Variants in CYREN observed in about 807,000 individuals in gnomAD.
CYREN encodes the protein cell cycle regulator of NHEJ.
In CYREN, 7 loss-of-function variants were observed where a neutral mutation model predicts 9.7. The ratio of observed to expected loss-of-function variants is 0.72; its 90% CI spans 0.41 to 1.36. The LOEUF (loss-of-function observed/expected upper bound fraction) is 1.36, where lower values mean the gene tolerates loss of function less well. Ranked by LOEUF, CYREN falls within the 40% of genes most tolerant of loss-of-function variation. The pLI, the probability that CYREN is intolerant of heterozygous loss-of-function variation, is 0.01. For synonymous variants in CYREN, 76 were observed against 77.9 expected (o/e 0.98, Z 0.13); for missense variants, 215 against 198.1 (o/e 1.09, Z -0.51).
rs770513283 is a variant in CYREN, at chr7:135,144,020, G to A, written n.356+24729C>T. ...AGGGCTATGGTATCTCCCCTAGGAG[G>A]AGAAGGCTGCCAGCGTTTCTCATCT... On this transcript the variant is annotated intron_variant and non_coding_transcript_variant, in intron 2 of 2. Coordinates refer to the CYREN transcript ENST00000459937. 1.2e-3 allele frequency among the ~76,000 whole-genome samples: 182 copies of A among 152,224 alleles called. 1 individual carries two copies. The highest frequency in any genetic ancestry group is 1.4e-3 in the Non-Finnish European group (92 of 67,998).
chr7:135,108,967 G>A (rs1314367797), intron 2 of CYREN, among the ~76,000 whole-genome samples: 1 of 152,072 alleles, frequency 6.6e-6, no homozygotes, highest in South Asian at 2.1e-4. Flanking sequence ...CCTCAGCTTG[G>A]TCTATTCTGC....
chr7:135,141,074 A>G (rs2117395956), intron 2 of CYREN, among the ~76,000 whole-genome samples: 1 of 152,028 alleles, frequency 6.6e-6, no homozygotes. Context: ...GACCTTATAG[A>G]CTGAGTTAGA....
intron 1 of CYREN, among the ~76,000 whole-genome samples, chr7:135,170,005 C>A (rs541912668): frequency 2.1e-4 from 32 of 152,376 alleles, no homozygotes; most frequent in African/African-American, 7.5e-4. Flanking sequence ...CTCCTACCCC[C>A]TAAGGCGCCT....
At chr7:135,162,222 G>T (rs914232036), downstream of CYREN, among the ~76,000 whole-genome samples, 3 of 152,180 alleles carry the variant, frequency 2.0e-5, no homozygotes, top group Non-Finnish European at 4.4e-5. Context: ...CCCCAGAGGG[G>T]TCCCCTCAGA....
At chr7:135,145,473 G>A (rs1829528023) in intron 2 of CYREN, among the ~76,000 whole-genome samples, 1 of 152,186 alleles carries the variant, frequency 6.6e-6, no homozygotes, top group African/African-American at 2.4e-5. Flanking sequence ...CAGGACAACA[G>A]CTGTGTGTGG....
chr7:135,161,486 G>A (rs185820643), downstream of CYREN, among the ~76,000 whole-genome samples: 150 of 152,210 alleles, frequency 9.9e-4, 1 homozygote, highest in Admixed American at 7.8e-4. The surrounding 1 kb of genome is among the most constrained non-coding windows in gnomAD (Gnocchi z 4.1). Context: ...GTATAAATCA[G>A]GGAAGTCCTG....
chr7:135,129,752 C>A, intron 2 of CYREN: 2 of 682,146 alleles, frequency 2.9e-6, no homozygotes, highest in South Asian at 1.6e-5. Flanking sequence ...GTCAAGTACA[C>A]AAAGTAACCC....
At chr7:135,165,290 G>A (rs1372783963), downstream of CYREN, 2 of 323,514 alleles carry the variant, frequency 6.2e-6, no homozygotes, top group Admixed American at 4.5e-5. Flanking sequence ...ATGGATCTGA[G>A]CAAATCTTCC....
intron 1 of CYREN, chr7:135,169,358 T>C (rs1426138686): frequency 6.5e-6 from 1 of 153,836 alleles, no homozygotes; most frequent in Non-Finnish European, 1.4e-5. Flanking sequence ...CTAATGTTCC[T>C]TCTCATTACC....
chr7:135,147,914 T>TAGG (rs1829580030), intron 2 of CYREN: 1 of 455,842 alleles, frequency 2.2e-6, no homozygotes, highest in African/African-American at 2.0e-5. Context: ...AATCAGTTGG[T>TAGG]TTGCCGGCTA....
intron 2 of CYREN, among the ~76,000 whole-genome samples, chr7:135,124,326 A>G (rs1005670193): frequency 1.3e-5 from 2 of 152,150 alleles, no homozygotes; most frequent in Non-Finnish European, 2.9e-5. Context: ...GGTAAAGGGA[A>G]CAATTCAACA....
Position 135,166,440 on chromosome 7 carries a change from C to T in CYREN, c.*171G>A. On this transcript the variant is annotated 3_prime_UTR_variant, in exon 4 of 4. Transcript: ENST00000393114. ...ACACTCAGAACGGCAGCCCCAAGGC[C>T]CGGAGTGTCCAGGGGCTTCTGGCCT... The T allele has an allele frequency of 9.5e-7, 1 of 1,054,128 alleles. No homozygotes were observed. The highest frequency in any genetic ancestry group is 1.3e-6 in the Non-Finnish European group (1 of 757,184). 65.3% of individuals were successfully genotyped at this position (1,054,128 alleles called of 1,614,324 possible).
downstream of CYREN, chr7:135,164,282 G>A: frequency 1.5e-6 from 1 of 662,276 alleles, no homozygotes; most frequent in East Asian, 2.7e-5. Context: ...TCAGACTTCT[G>A]GTCCTTGGTG....
At chr7:135,097,306 T>G (rs527601593) in intron 2 of CYREN, among the ~76,000 whole-genome samples, 9 of 152,270 alleles carry the variant, frequency 5.9e-5, no homozygotes, top group African/African-American at 2.2e-4. Flanking sequence ...CTACAGTGTA[T>G]CAAGTGATAC....
chr7:135,141,529 GTT>G (rs958195337), intron 2 of CYREN, among the ~76,000 whole-genome samples: 1 of 151,826 alleles, frequency 6.6e-6, no homozygotes, highest in Admixed American at 6.6e-5. Flanking sequence ...TCTTTCGTAT[GTT>G]TTTTTGTGTC....
At chr7:135,113,986 G>C (rs1295220445) in intron 2 of CYREN, among the ~76,000 whole-genome samples, 1 of 152,064 alleles carries the variant, frequency 6.6e-6, no homozygotes. Context: ...ATTTTATTTT[G>C]TATAATGGTC....
intron 2 of CYREN, among the ~76,000 whole-genome samples, chr7:135,122,712 C>T (rs1827310779): frequency 6.6e-6 from 1 of 152,160 alleles, no homozygotes; most frequent in Admixed American, 6.5e-5. Flanking sequence ...CTCCAGCCTC[C>T]TTGAGTGACA....
intron 2 of CYREN, among the ~76,000 whole-genome samples, chr7:135,103,887 T>C (rs1824240873): frequency 6.6e-6 from 1 of 152,218 alleles, no homozygotes; most frequent in Non-Finnish European, 1.5e-5. Flanking sequence ...TTTATTTTTT[T>C]TTAATGTAAG....
At chr7:135,115,546 A>G (rs1218001869) in intron 2 of CYREN, 1 of 1,551,414 alleles carries the variant, frequency 6.4e-7, no homozygotes, top group Non-Finnish European at 8.7e-7. Flanking sequence ...ATAGCACTAA[A>G]AACATGCAAA....
Sources: gnomAD v4.1 joint callset for allele counts (sites outside exome capture counted in the v4.1 genomes callset) on GRCh38, gnomAD v4.1.1 for gene constraint, Gnocchi (gnomAD v3.1) non-coding constraint, MANE v1.5 for transcripts, NCBI Gene and HGNC (gene_info 2026-07-23, HGNC 2026-07-21) for gene names.